DPF3: variants seen among roughly 807,000 people sequenced by gnomAD.
DPF3 encodes zinc finger protein DPF3.
In DPF3, 18 loss-of-function variants were observed where a neutral mutation model predicts 56.8. The observed-to-expected ratio is 0.32, with a 90% CI of 0.22 to 0.47. The LOEUF (loss-of-function observed/expected upper bound fraction) is 0.47. Ranked by LOEUF, DPF3 falls within the 20% of genes least tolerant of loss-of-function variation. DPF3 has a pLI of 1.00. For synonymous variants in DPF3, 188 were observed against 180.2 expected, an observed-to-expected ratio of 1.04 and a Z score of -0.35; for missense variants, 403 against 488.8, an observed-to-expected ratio of 0.82 and a Z score of 1.65.
chr14:72,680,779 G>C (rs559859861), intron 7 of DPF3, among the ~76,000 whole-genome samples: 14 of 152,366 alleles, frequency 9.2e-5, no homozygotes, highest in African/African-American at 2.6e-4. Context: ...GCCAGAGGGC[G>C]GGCTTCTCTG....
At chr14:72,872,647 C>T (rs1421933526) in intron 1 of DPF3, among the ~76,000 whole-genome samples, 1 of 152,228 alleles carries the variant, frequency 6.6e-6, no homozygotes, top group Non-Finnish European at 1.5e-5. Flanking sequence ...AAGCTGGAGG[C>T]ATCATGCTAC....
chr14:72,725,694 G>C (rs1209436646), intron 4 of DPF3, among the ~76,000 whole-genome samples: 1 of 152,106 alleles, frequency 6.6e-6, no homozygotes, highest in Non-Finnish European at 1.5e-5. Flanking sequence ...ACACTGCACT[G>C]TTGTCTGATA....
intron 8 of DPF3, chr14:72,661,576 C>T: frequency 1.0e-6 from 1 of 985,550 alleles, no homozygotes; most frequent in Non-Finnish European, 1.2e-6. Context: ...TGCTGGGCCA[C>T]AGACACAGCG....
At chr14:72,688,151 ATGATGGATGGATGGAT>A (rs1599357778) in intron 7 of DPF3, among the ~76,000 whole-genome samples, 1 of 116,744 alleles carries the variant, frequency 8.6e-6, no homozygotes, top group East Asian at 2.9e-4. Flanking sequence ...GATGAGATGG[ATGATGGATGGATGGAT>A]GGATGGATGG....
intron 1 of DPF3, among the ~76,000 whole-genome samples, chr14:72,860,768 G>GT (rs998715591): frequency 2.0e-4 from 31 of 151,498 alleles, no homozygotes; most frequent in African/African-American, 7.5e-4. Context: ...GTTTCACCAT[G>GT]TTGGCCAGGC....
At chr14:72,754,154 T>C (rs1890694489) in intron 2 of DPF3, among the ~76,000 whole-genome samples, 1 of 152,204 alleles carries the variant, frequency 6.6e-6, no homozygotes, top group African/African-American at 2.4e-5. Context: ...TGTGTGGCTC[T>C]GGTGGCAGCC....
chr14:72,733,014 C>G (rs1889733341), intron 3 of DPF3, among the ~76,000 whole-genome samples: 1 of 152,036 alleles, frequency 6.6e-6, no homozygotes, highest in African/African-American at 2.4e-5. Flanking sequence ...TCACTGCAGC[C>G]TCAAACTTCT....
chr14:72,738,015 C>T (rs1889967363), intron 3 of DPF3, among the ~76,000 whole-genome samples: 1 of 151,968 alleles, frequency 6.6e-6, no homozygotes, highest in African/African-American at 2.4e-5. Context: ...TGGATTTATA[C>T]ATCAAATTAC....
At chr14:72,883,485 T>C (rs1886395413) in intron 1 of DPF3, among the ~76,000 whole-genome samples, 1 of 151,954 alleles carries the variant, frequency 6.6e-6, no homozygotes, top group Non-Finnish European at 1.5e-5. Context: ...AGTGAGACCC[T>C]ATCTCCAAAA....
At chr14:72,870,352 AAAG>A (rs1207104142) in intron 1 of DPF3, among the ~76,000 whole-genome samples, 11 of 152,214 alleles carry the variant, frequency 7.2e-5, no homozygotes, top group Admixed American at 2.6e-4. Flanking sequence ...CTCATCCAGG[AAAG>A]AAGTAGTCTC....
At chr14:72,731,202 G>A (rs1442652966) in intron 4 of DPF3, among the ~76,000 whole-genome samples, 1 of 151,168 alleles carries the variant, frequency 6.6e-6, no homozygotes. Flanking sequence ...AAAAAGAAAC[G>A]GTAGGTGTGC....
chr14:72,812,738 C>T (rs2140020487), intron 1 of DPF3, among the ~76,000 whole-genome samples: 1 of 152,292 alleles, frequency 6.6e-6, no homozygotes, highest in Admixed American at 6.5e-5. Flanking sequence ...TGACACAGAG[C>T]AGTGTGCAAT....
chr14:72,621,552 C>T (rs1300641661), intron 9 of DPF3, among the ~76,000 whole-genome samples: 20 of 152,154 alleles, frequency 1.3e-4, no homozygotes, highest in Admixed American at 1.3e-3. Context: ...AGTGGGGCAA[C>T]AGGAAAGCTT....
intron 1 of DPF3, among the ~76,000 whole-genome samples, chr14:72,888,482 TC>T (rs1196743862): frequency 6.6e-6 from 1 of 152,100 alleles, no homozygotes; most frequent in Non-Finnish European, 1.5e-5. Flanking sequence ...CTACAACACC[TC>T]ATCTCTCCCC....
chr14:72,720,897 A>G (rs1889144551), intron 5 of DPF3, among the ~76,000 whole-genome samples: 1 of 152,214 alleles, frequency 6.6e-6, no homozygotes, highest in Non-Finnish European at 1.5e-5. Context: ...AAAAAAATAG[A>G]TAGGTGCAAT....
chr14:72,879,486 A>G (rs1000408982), intron 1 of DPF3, among the ~76,000 whole-genome samples: 6 of 152,146 alleles, frequency 3.9e-5, no homozygotes, highest in African/African-American at 1.4e-4. Context: ...CTGAGAGAGA[A>G]GAGTATGTTC....
chr14:72,852,069 A>G (rs558605025), intron 1 of DPF3, among the ~76,000 whole-genome samples: 48 of 152,370 alleles, frequency 3.2e-4, no homozygotes, highest in African/African-American at 1.0e-3. Flanking sequence ...GAAGGCAGGA[A>G]GTTGAAGAGG....
intron 8 of DPF3, among the ~76,000 whole-genome samples, chr14:72,644,119 A>C (rs1429666081): frequency 6.6e-6 from 1 of 152,190 alleles, no homozygotes; most frequent in African/African-American, 2.4e-5. Flanking sequence ...CCCTGGAGAC[A>C]CCTGATGTCC....
intron 6 of DPF3, among the ~76,000 whole-genome samples, chr14:72,697,949 C>T (rs1441483740): frequency 1.3e-5 from 2 of 152,162 alleles, no homozygotes; most frequent in African/African-American, 2.4e-5. Context: ...CCCTTCTGCT[C>T]GCTGGCCTTT....
Sources: allele counts gnomAD v4.1 joint callset (sites outside exome capture counted in the v4.1 genomes callset), GRCh38; gene constraint gnomAD v4.1.1; transcripts MANE v1.5; gene names NCBI Gene and HGNC (gene_info 2026-07-23, HGNC 2026-07-21).